VAX1: variants seen among roughly 807,000 people sequenced by gnomAD.
VAX1 encodes the protein ventral anterior homeobox 1.
Under a neutral mutation model 17.6 loss-of-function variants are expected in VAX1, and 6 were observed. The ratio of observed to expected loss-of-function variants is 0.34; its 90% CI spans 0.19 to 0.67. VAX1 has a LOEUF of 0.67. Among genes scored for constraint, VAX1 ranks in the 30% least tolerant of loss-of-function variants. The pLI is 0.69. For synonymous variants in VAX1, 256 were observed against 227.4 expected, an observed-to-expected ratio of 1.13 and a Z score of -1.13; for missense variants, 408 against 463.7, an observed-to-expected ratio of 0.88 and a Z score of 1.10.
chr10:117,135,963 TCCAGGAGGG>T (rs1262233459), intron 2 of VAX1, among the ~76,000 whole-genome samples: 2 of 152,352 alleles, frequency 1.3e-5, no homozygotes, highest in Middle Eastern at 6.8e-3. Flanking sequence ...CAGGCAGATC[TCCAGGAGGG>T]CGTACACCTA....
rs1589945889 is a variant in VAX1 at position 117,133,809 on chromosome 10, T to G, written c.*199A>C. The G allele has an allele frequency of 1.5e-6, 2 of 1,325,088 alleles. No homozygotes were observed. Among genetic ancestry groups the G allele is most frequent in the Non-Finnish European group, 9.6e-7 (1 of 1,046,910 alleles). 82.1% of individuals were successfully genotyped at this position (1,325,088 alleles called of 1,614,324 possible). A position where few individuals can be genotyped will look rare whatever the true frequency, so the allele number is the denominator to read the frequency against. On this transcript the variant is annotated 3_prime_UTR_variant, in exon 3 of 3. Coordinates refer to ENST00000369206, the MANE Select transcript of VAX1 (RefSeq NM_001112704.2). ...GGAAGTTGGGGGTTGGGGAGGAATCTCAGAGGAAAGGTAGTAGAAAAAAAA... is the reference window on the plus strand; with the variant it reads ...GGAAGTTGGGGGTTGGGGAGGAATCGCAGAGGAAAGGTAGTAGAAAAAAAA...
Position 117,136,451 on chromosome 10 carries a change from T to A in VAX1, c.429+21A>T. 1 of 1,611,426 alleles carries A rather than the reference T, an allele frequency of 6.2e-7. No homozygotes were observed. Among genetic ancestry groups the A allele is most frequent in the African/African-American group, 1.3e-5 (1 of 74,888 alleles). On this transcript the variant is annotated intron_variant, in intron 2 of 2. Coordinates refer to ENST00000369206, the MANE Select transcript of VAX1 (RefSeq NM_001112704.2). The surrounding 1 kb of genome is among the most constrained non-coding windows in gnomAD (Gnocchi z 5.0). The stretch of plus-strand genomic sequence containing the variant: ...GGAGGAAGGCTGGTGCAGAACTGTG[T>A]GCGGCCTGGTCGCCGGGTACCTGGG...
chr10:117,136,543 G>A lies in VAX1; in HGVS notation c.358C>T (p.Gln120Ter). 6.2e-7 allele frequency: 1 copy of A among 1,613,398 alleles called. No individual in the cohort carries two copies. Among genetic ancestry groups the A allele is most frequent in the Non-Finnish European group, 8.5e-7 (1 of 1,179,986 alleles). ...EQLYRLEMEFQRCQYVVGRER... is the reference protein window; with the variant it reads ...EQLYRLEMEF The stretch of plus-strand genomic sequence containing the variant: ...CGGCCCACCACGTACTGGCAGCGCT[G>A]GAACTCCATCTCCAGCCGATAGAGC... Residue 120 changes from glutamine (Q) to a stop codon, truncating the protein, a stop_gained, in exon 2 of 3, where the codon CAG becomes TAG. Transcript: ENST00000369206. LOFTEE classifies it high-confidence loss of function. This position sits in a 1 kb window ranked among gnomAD's most constrained non-coding sequence, Gnocchi z 5.0.
chr10:117,137,992 G>A lies in VAX1; in HGVS notation c.65C>T (p.Ser22Leu), dbSNP rs757464020. ...CHSDAEAARVSKNAHKESRES... is the reference protein window; with the variant it reads ...CHSDAEAARVLKNAHKESRES... ...CCGACTCTCCTTGTGCGCGTTCTTC[G>A]AGACCCGGGCAGCCTCGGCGTCCGA... Residue 22 changes from serine (S) to leucine (L), a missense_variant, in exon 1 of 3, where the codon TCG becomes TTG. Ser to Leu is a moderately radical substitution (Grantham distance 145). Transcript: ENST00000369206. This position sits in a 1 kb window ranked among gnomAD's most constrained non-coding sequence, Gnocchi z 7.4. 1 of 1,613,484 alleles carries A rather than the reference G, an allele frequency of 6.2e-7. No homozygotes were observed. Among genetic ancestry groups the A allele is most frequent in the Non-Finnish European group, 8.5e-7 (1 of 1,179,920 alleles).
chr10:117,137,134 C>T lies in VAX1; in HGVS notation c.242-475G>A, dbSNP rs1179248908. Among the ~76,000 whole-genome samples the T allele has an allele frequency of 5.3e-5, 8 of 151,650 alleles. No individual in the cohort carries two copies. The highest frequency in any genetic ancestry group is 2.1e-4 in the South Asian group (1 of 4,802). On this transcript the variant is annotated intron_variant, in intron 1 of 2. Transcript: ENST00000369206. The surrounding 1 kb of genome is among the most constrained non-coding windows in gnomAD (Gnocchi z 7.4). The stretch of plus-strand genomic sequence containing the variant: ...GCGGCGGAAGGAGGAGGGACTGAGT[C>T]GGGGCCGGCCGGGCCCGGAGATCTG...
rs1402917288 is a variant in VAX1 at position 117,137,206 on chromosome 10, C to G, written c.242-547G>C. Among the ~76,000 whole-genome samples the G allele has an allele frequency of 6.6e-6, 1 of 152,072 alleles. No homozygotes were observed. Among genetic ancestry groups the G allele is most frequent in the East Asian group, 2.0e-4 (1 of 5,120 alleles). ...GGCCGGGGCCCGGCCTCGCAGCCTC[C>G]GCCGCCGGGGCTAAGTGCACGCCGC... On this transcript the variant is annotated intron_variant, in intron 1 of 2. Coordinates refer to ENST00000369206, the MANE Select transcript of VAX1 (RefSeq NM_001112704.2). This position sits in a 1 kb window ranked among gnomAD's most constrained non-coding sequence, Gnocchi z 7.4.
rs1472379306 is a variant in VAX1, at chr10:117,133,974, T to A, written c.*34A>T. On this transcript the variant is annotated 3_prime_UTR_variant, in exon 3 of 3. Transcript: ENST00000369206. ...AGTCCATAAATATCACCACAATAGA[T>A]ACTATAAATATAAATACAGGGAAAC... 1 of 1,487,662 alleles carries A rather than the reference T, an allele frequency of 6.7e-7. No homozygotes were observed. The highest frequency in any genetic ancestry group is 2.6e-5 in the Admixed American group (1 of 38,324). 92.2% of individuals were successfully genotyped at this position (1,487,662 alleles called of 1,614,324 possible). A position where few individuals can be genotyped will look rare whatever the true frequency, so the allele number is the denominator to read the frequency against.
downstream of VAX1, chr10:117,132,145 G>T: frequency 1.3e-6 from 2 of 1,538,854 alleles, no homozygotes; most frequent in Non-Finnish European, 1.8e-6. This position sits in a 1 kb window ranked among gnomAD's most constrained non-coding sequence, Gnocchi z 4.9. Flanking sequence ...CTGCCTCTCC[G>T]GAAACCCGAA....
At chr10:117,135,752 A>AT (rs1783515858) in intron 2 of VAX1, among the ~76,000 whole-genome samples, 1 of 152,250 alleles carries the variant, frequency 6.6e-6, no homozygotes, top group African/African-American at 2.4e-5. Context: ...GCCAGCTCCA[A>AT]GGGGCATCAT....
downstream of VAX1, chr10:117,130,552 C>T (rs145213789): frequency 9.2e-5 from 14 of 152,426 alleles, no homozygotes; most frequent in African/African-American, 3.1e-4. Context: ...CCCAGGCAGG[C>T]CCAGCTATTG....
chr10:117,133,646 C>T lies in VAX1; in HGVS notation c.*362G>A. On this transcript the variant is annotated 3_prime_UTR_variant, in exon 3 of 3. Transcript: ENST00000369206. The stretch of plus-strand genomic sequence containing the variant: ...CGGCAGCGGCAGCAGCCGCAGCAGC[C>T]GCGGATCTAGAGCAAACGTCCTGTG... The T allele has an allele frequency of 2.0e-6, 2 of 1,002,666 alleles. No individual in the cohort carries two copies. Among genetic ancestry groups the T allele is most frequent in the East Asian group, 1.0e-4 (1 of 9,994 alleles). The allele number at this position is 1,002,666 out of a possible 1,614,324, so 62.1% of individuals were successfully genotyped here.
At chr10:117,129,331 C>G (rs538421932), downstream of VAX1, 1 of 152,584 alleles carries the variant, frequency 6.6e-6, no homozygotes, top group East Asian at 1.9e-4. Context: ...TTAGCCAGTC[C>G]CCAGATGATT....
At position 117,137,733 on chromosome 10, in the gene VAX1, C is replaced by T; in HGVS notation, c.241+83G>A. 1 of 1,600,076 alleles carries T rather than the reference C, an allele frequency of 6.2e-7. No individual in the cohort carries two copies. On this transcript the variant is annotated intron_variant, in intron 1 of 2. Coordinates refer to ENST00000369206, the MANE Select transcript of VAX1 (RefSeq NM_001112704.2). The surrounding 1 kb of genome is among the most constrained non-coding windows in gnomAD (Gnocchi z 7.4). ...AAGTCCCAGCCGGCACTCCTTCCCA[C>T]CGGCCTGTGTCGGCGGCAGCGCGCA...
downstream of VAX1, chr10:117,132,510 A>G: frequency 6.3e-7 from 1 of 1,580,320 alleles, no homozygotes; most frequent in Non-Finnish European, 8.6e-7. The surrounding 1 kb of genome is among the most constrained non-coding windows in gnomAD (Gnocchi z 4.9). Flanking sequence ...AAAGAGGGGG[A>G]GAGTTTCCGA....
At position 117,136,176 on chromosome 10, in the gene VAX1, C is replaced by G. The variant is rs1009026877; in HGVS notation, c.429+296G>C. Among the ~76,000 whole-genome samples the G allele has an allele frequency of 4.6e-5, 7 of 152,262 alleles. No individual in the cohort carries two copies. The highest frequency in any genetic ancestry group is 6.5e-5 in the Admixed American group (1 of 15,288). On this transcript the variant is annotated intron_variant, in intron 2 of 2. Transcript: ENST00000369206. The surrounding 1 kb of genome is among the most constrained non-coding windows in gnomAD (Gnocchi z 5.0). ...AGAGCAGAAGCTCGAAGGAAATGCTCAAAACCGGGGGACAATAAAAATTCC... is the reference window on the plus strand; with the variant it reads ...AGAGCAGAAGCTCGAAGGAAATGCTGAAAACCGGGGGACAATAAAAATTCC...
At chr10:117,131,062 T>C (rs7086344), downstream of VAX1, 119,649 of 152,344 alleles carry the variant, frequency 0.79, 48,297 homozygotes, top group Non-Finnish European at 0.89. Context: ...CCCTGGAGGG[T>C]CCCAGCCACC....
downstream of VAX1, chr10:117,132,344 G>GAT (rs777374236): frequency 2.2e-4 from 358 of 1,610,422 alleles, no homozygotes; most frequent in Middle Eastern, 1.6e-4. The surrounding 1 kb of genome is among the most constrained non-coding windows in gnomAD (Gnocchi z 4.9). Context: ...TATCATCATA[G>GAT]ATATATATAT....
In VAX1 at chr10:117,136,288, G is replaced by C. The variant is rs988905703; in HGVS notation, c.429+184C>G. ...AGGATTTGGGGATGGCAGGAATGGT[G>C]GGGGGAAAGGATGTATTATCTAGGG... On this transcript the variant is annotated intron_variant, in intron 2 of 2. Transcript: ENST00000369206. This position sits in a 1 kb window ranked among gnomAD's most constrained non-coding sequence, Gnocchi z 5.0. 1.3e-5 allele frequency among the ~76,000 whole-genome samples: 2 copies of C among 152,184 alleles called. No individual in the cohort carries two copies. The highest frequency in any genetic ancestry group is 1.3e-4 in the Admixed American group (2 of 15,288).
At chr10:117,130,448 G>A (rs1194987490), downstream of VAX1, 1 of 152,058 alleles carries the variant, frequency 6.6e-6, no homozygotes, top group Admixed American at 6.6e-5. Context: ...TTTCTTTTCT[G>A]CTCTGAAACA....
Sources: allele counts gnomAD v4.1 joint callset (sites outside exome capture counted in the v4.1 genomes callset), GRCh38; gene constraint gnomAD v4.1.1; non-coding constraint Gnocchi (gnomAD v3.1); transcripts MANE v1.5; gene names NCBI Gene and HGNC (gene_info 2026-07-23, HGNC 2026-07-21).